Variants in LUZP2 observed in about 807,000 individuals in gnomAD.
LUZP2 encodes the protein leucine zipper protein 2.
In LUZP2, 52 loss-of-function variants were observed where a neutral mutation model predicts 51.6. That is an observed-to-expected ratio of 1.01 (90% confidence interval 0.81 to 1.27). The LOEUF (loss-of-function observed/expected upper bound fraction) is 1.27. Ranked by LOEUF, LUZP2 falls within the 50% of genes most tolerant of loss-of-function variation. The pLI is 0.00. For missense variants in LUZP2, 436 were observed against 395.4 expected (o/e 1.10, Z -0.87); for synonymous variants, 154 against 137.3 (o/e 1.12, Z -0.85).
chr11:24,734,380 A>G (rs1858847626), intron 3 of LUZP2, among the ~76,000 whole-genome samples: 1 of 147,876 alleles, frequency 6.8e-6, no homozygotes, highest in African/African-American at 2.5e-5. Context: ...GGAAAAAAAA[A>G]TGTGAATAGG....
At chr11:24,616,203 T>G (rs1423290724) in intron 1 of LUZP2, among the ~76,000 whole-genome samples, 1 of 152,068 alleles carries the variant, frequency 6.6e-6, no homozygotes, top group African/African-American at 2.4e-5. Context: ...TTTTCAATAT[T>G]TATGAAAGAG....
chr11:24,715,799 G>A (rs145229458), intron 1 of LUZP2, among the ~76,000 whole-genome samples: 278 of 152,096 alleles, frequency 1.8e-3, no homozygotes, highest in African/African-American at 6.5e-3. Flanking sequence ...ATACTTCATT[G>A]TTAATGTTTG....
At chr11:24,599,395 C>T (rs1469278599) in intron 1 of LUZP2, among the ~76,000 whole-genome samples, 1 of 152,076 alleles carries the variant, frequency 6.6e-6, no homozygotes, top group East Asian at 1.9e-4. Flanking sequence ...TGCAAGTTTA[C>T]TCTCCACTCA....
chr11:24,785,761 T>A lies in LUZP2; in HGVS notation c.396+22453T>A, dbSNP rs1041047981. The stretch of plus-strand genomic sequence containing the variant: ...TACATATGTGCTATTATATAAACTG[T>A]TAGAGACAGAAGAGATGTCAGACAG... On this transcript the variant is annotated intron_variant, in intron 5 of 11. Transcript: ENST00000336930. 3 of 514,486 alleles carry A rather than the reference T, an allele frequency of 5.8e-6. No homozygotes were observed. The African/African-American group carries it at 6.2e-5, about 11-fold the overall frequency. 31.9% of individuals were successfully genotyped at this position (514,486 alleles called of 1,614,324 possible). A position where few individuals can be genotyped will look rare whatever the true frequency, so the allele number is the denominator to read the frequency against.
At chr11:24,808,177 T>G (rs1265518746) in intron 5 of LUZP2, among the ~76,000 whole-genome samples, 2 of 152,210 alleles carry the variant, frequency 1.3e-5, no homozygotes, top group African/African-American at 4.8e-5. Context: ...ACTTGTTAAT[T>G]TAAATAATTA....
At chr11:24,817,215 TTAA>T (rs928123955) in intron 5 of LUZP2, among the ~76,000 whole-genome samples, 2 of 113,570 alleles carry the variant, frequency 1.8e-5, no homozygotes, top group African/African-American at 3.8e-5. Flanking sequence ...AATGCTATCA[TTAA>T]TAACAACAAG....
intron 1 of LUZP2, among the ~76,000 whole-genome samples, chr11:24,527,599 ATT>A (rs1850851580): frequency 2.7e-5 from 4 of 148,720 alleles, no homozygotes; most frequent in Non-Finnish European, 6.0e-5. Flanking sequence ...ACACACACAC[ATT>A]TATTTGTTGG....
intron 1 of LUZP2, among the ~76,000 whole-genome samples, chr11:24,654,078 T>C (rs1318620757): frequency 6.6e-6 from 1 of 152,200 alleles, no homozygotes; most frequent in Non-Finnish European, 1.5e-5. Context: ...AGTAATTACG[T>C]GTCGTTGAGC....
chr11:24,908,298 A>G (rs1034635601), intron 6 of LUZP2, among the ~76,000 whole-genome samples: 14 of 152,156 alleles, frequency 9.2e-5, no homozygotes, highest in African/African-American at 2.9e-4. Context: ...CATCACTCCT[A>G]TTTTATCAAA....
intron 5 of LUZP2, among the ~76,000 whole-genome samples, chr11:24,835,771 C>G (rs1850844776): frequency 6.6e-6 from 1 of 152,026 alleles, no homozygotes; most frequent in Non-Finnish European, 1.5e-5. Flanking sequence ...TTAGCAATCT[C>G]AGTCTCCTTA....
At chr11:25,026,167 A>G (rs1307479844) in intron 9 of LUZP2, among the ~76,000 whole-genome samples, 4 of 151,502 alleles carry the variant, frequency 2.6e-5, no homozygotes, top group Non-Finnish European at 4.4e-5. Flanking sequence ...GGGGAGGGAT[A>G]GCATTAGGAG....
At chr11:24,630,615 G>A (rs574610769) in intron 1 of LUZP2, among the ~76,000 whole-genome samples, 10 of 150,692 alleles carry the variant, frequency 6.6e-5, no homozygotes, top group Non-Finnish European at 1.2e-4. Context: ...TTTGAAGTCA[G>A]GTAATATGGT....
At position 24,652,624 on chromosome 11, in the gene LUZP2, A is replaced by C. The variant is rs374789981; in HGVS notation, c.63-76545A>C. Among the ~76,000 whole-genome samples the C allele has an allele frequency of 3.9e-4, 59 of 152,288 alleles. 1 individual carries two copies. The Middle Eastern group carries it at 0.01, about 26-fold the overall frequency. On this transcript the variant is annotated intron_variant, in intron 1 of 11. Coordinates refer to ENST00000336930, the MANE Select transcript of LUZP2 (RefSeq NM_001009909.4). ...AAATAATGCTAGAATAATATTCAGT[A>C]TTCTAGATGAAGGTCAATTGATACC...
chr11:24,576,126 A>T (rs181683062), intron 1 of LUZP2, among the ~76,000 whole-genome samples: 91 of 152,226 alleles, frequency 6.0e-4, no homozygotes, highest in African/African-American at 2.1e-3. Context: ...AATTTAAAAA[A>T]TGGACACCTG....
chr11:25,068,299 G>A (rs1859053731), intron 10 of LUZP2, among the ~76,000 whole-genome samples: 1 of 151,920 alleles, frequency 6.6e-6, no homozygotes, highest in Non-Finnish European at 1.5e-5. Flanking sequence ...ATGTATCCCA[G>A]AAGTTAAAGT....
chr11:24,649,618 G>A (rs919138563), intron 1 of LUZP2, among the ~76,000 whole-genome samples: 1 of 151,750 alleles, frequency 6.6e-6, no homozygotes, highest in Non-Finnish European at 1.5e-5. Context: ...TTTTGCTTTA[G>A]GTAATTTCCA....
chr11:24,580,498 A>G (rs900968660), intron 1 of LUZP2, among the ~76,000 whole-genome samples: 7 of 152,116 alleles, frequency 4.6e-5, no homozygotes, highest in Non-Finnish European at 8.8e-5. Context: ...CATAGCGTCA[A>G]CCTAAATCTT....
At chr11:24,535,878 C>T (rs1013009801) in intron 1 of LUZP2, among the ~76,000 whole-genome samples, 2 of 151,690 alleles carry the variant, frequency 1.3e-5, no homozygotes, top group Non-Finnish European at 3.0e-5. Context: ...GAATCACTGT[C>T]TATGGCAATT....
chr11:25,003,831 C>A (rs953949716), intron 9 of LUZP2, among the ~76,000 whole-genome samples: 20 of 152,106 alleles, frequency 1.3e-4, no homozygotes, highest in African/African-American at 4.8e-4. Flanking sequence ...GATAATAACT[C>A]CAGCTTTGGC....
Sources: allele counts gnomAD v4.1 joint callset (sites outside exome capture counted in the v4.1 genomes callset), GRCh38; gene constraint gnomAD v4.1.1; transcripts MANE v1.5; gene names NCBI Gene and HGNC (gene_info 2026-07-23, HGNC 2026-07-21).